Variants in SLC36A1 observed in about 807,000 individuals in gnomAD.
SLC36A1 encodes the protein solute carrier family 36 member 1, also known as proton-coupled amino acid transporter 1.
SLC36A1 carries 30 observed loss-of-function variants against 47.5 expected under a neutral mutation model. The observed-to-expected ratio is 0.63, with a 90% CI of 0.47 to 0.86. The LOEUF (loss-of-function observed/expected upper bound fraction) is 0.86. SLC36A1 is among the 40% of genes least tolerant of loss of function. The pLI, the probability that SLC36A1 is intolerant of heterozygous loss-of-function variation, is 0.00. For synonymous variants in SLC36A1, 255 were observed against 249.7 expected (o/e 1.02, Z -0.20); for missense variants, 517 against 606.0 (o/e 0.85, Z 1.54).
upstream of SLC36A1, among the ~76,000 whole-genome samples, chr5:151,436,748 C>A (rs1759796099): frequency 6.6e-6 from 1 of 151,936 alleles, no homozygotes; most frequent in Non-Finnish European, 1.5e-5. Context: ...ACTATCCAGT[C>A]ACGTTTGGTA....
the SLC36A1 span, chr5:151,509,745 T>TAATA: frequency 3.0e-6 from 1 of 334,478 alleles, no homozygotes. Flanking sequence ...AATGTAATAA[T>TAATA]AATAGAAATA....
chr5:151,542,913 A>G, the SLC36A1 span: 2 of 1,614,078 alleles, frequency 1.2e-6, no homozygotes, highest in East Asian at 2.2e-5. Flanking sequence ...GGGAGAAGAC[A>G]CCATCCTTGT....
At chr5:151,469,140 A>G (rs357624) in intron 7 of SLC36A1, 239,116 of 598,758 alleles carry the variant, frequency 0.4, 49,231 homozygotes, top group East Asian at 0.53. Context: ...TCATCAGTAC[A>G]TATTCATTAA....
the SLC36A1 span, among the ~76,000 whole-genome samples, chr5:151,418,055 A>G: frequency 6.6e-6 from 1 of 152,246 alleles, no homozygotes; most frequent in Non-Finnish European, 1.5e-5. Flanking sequence ...CCAAGCATGG[A>G]CAGCTTAAAT....
At chr5:151,359,224 C>T in the SLC36A1 span, among the ~76,000 whole-genome samples, 4 of 152,110 alleles carry the variant, frequency 2.6e-5, no homozygotes, top group Non-Finnish European at 5.9e-5. Flanking sequence ...TACATCCATG[C>T]CTTCCAGAGT....
At chr5:151,521,311 G>A in the SLC36A1 span, 12 of 1,612,066 alleles carry the variant, frequency 7.4e-6, no homozygotes, top group Admixed American at 6.7e-5. Flanking sequence ...GTGGTGCCGC[G>A]GGGTTAGGAT....
rs1013817247 is a variant in SLC36A1, at chr5:151,458,823, T to C, written c.31T>C (p.Tyr11His). The change falls in exon 2 of 11, where the codon TAC becomes CAC. Residue 11 changes from tyrosine to histidine, a missense_variant. Transcript: ENST00000243389. ...CACGCAGAGACTTCGGAATGAAGAC[T>C]ACCACGACTACAGCTCCACGGACGT... MSTQRLRNED[Y>H]HDYSSTDVSP... 1.9e-6 allele frequency: 3 copies of C among 1,614,084 alleles called. No homozygotes were observed. The highest frequency in any genetic ancestry group is 2.5e-6 in the Non-Finnish European group (3 of 1,179,970).
At chr5:151,372,647 T>C in the SLC36A1 span, among the ~76,000 whole-genome samples, 1 of 152,100 alleles carries the variant, frequency 6.6e-6, no homozygotes, top group Admixed American at 6.6e-5. Flanking sequence ...GGGGTCCTGC[T>C]GTGTTGCCCA....
chr5:151,544,851 T>C, the SLC36A1 span: 7 of 1,614,204 alleles, frequency 4.3e-6, no homozygotes, highest in South Asian at 1.1e-5. Context: ...CAGTGGCAGA[T>C]ACCTGAAAGA....
the SLC36A1 span, among the ~76,000 whole-genome samples, chr5:151,352,804 C>T: frequency 6.6e-6 from 1 of 152,196 alleles, no homozygotes; most frequent in African/African-American, 2.4e-5. Context: ...CTTTGTTTTC[C>T]TCCTATAAAG....
intron 1 of SLC36A1, among the ~76,000 whole-genome samples, chr5:151,440,572 G>C (rs1028719588): frequency 7.6e-6 from 1 of 132,340 alleles, no homozygotes; most frequent in Non-Finnish European, 1.6e-5. Context: ...GATGGGTAGA[G>C]TGGTTAAAAA....
the SLC36A1 span, among the ~76,000 whole-genome samples, chr5:151,350,195 T>C: frequency 1.8e-3 from 281 of 152,194 alleles, 1 homozygote; most frequent in Middle Eastern, 0.01. Flanking sequence ...TGACTCCTTC[T>C]ACCCCCATCT....
the SLC36A1 span, chr5:151,420,052 C>T: frequency 6.6e-6 from 1 of 152,220 alleles, no homozygotes; most frequent in African/African-American, 2.4e-5. Context: ...AAAGGTAGAT[C>T]TTTTCCTAGT....
the SLC36A1 span, chr5:151,512,793 GT>G: frequency 1.6e-6 from 1 of 608,670 alleles, no homozygotes; most frequent in Non-Finnish European, 2.9e-6. The surrounding 1 kb of genome is among the most constrained non-coding windows in gnomAD (Gnocchi z 4.1). Flanking sequence ...GGTCTCCTTT[GT>G]TCTCACCACA....
the SLC36A1 span, among the ~76,000 whole-genome samples, chr5:151,389,152 C>T: frequency 6.6e-6 from 1 of 152,158 alleles, no homozygotes. Context: ...GGCCTGGTTA[C>T]AATGCTGAGA....
the SLC36A1 span, among the ~76,000 whole-genome samples, chr5:151,392,277 T>A: frequency 8.5e-5 from 13 of 152,204 alleles, no homozygotes; most frequent in Admixed American, 2.0e-4. Flanking sequence ...TTGCATCTAT[T>A]TGCTTCTTCT....
chr5:151,392,869 G>A, the SLC36A1 span, among the ~76,000 whole-genome samples: 1 of 152,198 alleles, frequency 6.6e-6, no homozygotes. Flanking sequence ...TGAGAAGAAT[G>A]TATATTCTGT....
At chr5:151,416,369 A>G in the SLC36A1 span, among the ~76,000 whole-genome samples, 2 of 152,166 alleles carry the variant, frequency 1.3e-5, no homozygotes, top group Non-Finnish European at 2.9e-5. Flanking sequence ...TTCTGCTTTG[A>G]TCACAAGTAA....
At chr5:151,462,816 C>G (rs1473927648) in intron 2 of SLC36A1, among the ~76,000 whole-genome samples, 1 of 151,482 alleles carries the variant, frequency 6.6e-6, no homozygotes, top group Admixed American at 6.6e-5. Context: ...CCTCTGTTCT[C>G]TTACCAGTGT....
Sources: gnomAD v4.1 joint callset for allele counts (sites outside exome capture counted in the v4.1 genomes callset) on GRCh38, gnomAD v4.1.1 for gene constraint, Gnocchi (gnomAD v3.1) non-coding constraint, MANE v1.5 for transcripts, NCBI Gene and HGNC (gene_info 2026-07-23, HGNC 2026-07-21) for gene names.